The following HEPHL1 variants were observed in gnomAD, a reference collection of about 807,000 sequenced individuals.
HEPHL1 encodes the protein hephaestin like 1, also known as ferroxidase HEPHL1.
Under a neutral mutation model 122.0 loss-of-function variants are expected in HEPHL1, and 123 were observed. That is an observed-to-expected ratio of 1.01 (90% CI 0.87 to 1.17). The LOEUF is 1.17. Ranked by LOEUF, HEPHL1 falls within the 50% of genes most tolerant of loss-of-function variation. The pLI, the probability that HEPHL1 is intolerant of heterozygous loss-of-function variation, is 0.00. For synonymous variants in HEPHL1, 527 were observed against 508.9 expected (o/e 1.04, Z -0.48); for missense variants, 1,452 against 1,430.5 (o/e 1.01, Z -0.24).
At chr11:94,039,602 A>C (rs1945757051) in intron 1 of HEPHL1, among the ~76,000 whole-genome samples, 1 of 151,936 alleles carries the variant, frequency 6.6e-6, no homozygotes, top group Non-Finnish European at 1.5e-5. Context: ...GAAACTGAAC[A>C]ACCTGCTCCT....
intron 5 of HEPHL1, 123 bp from the exon 6 acceptor site, chr11:94,070,251 T>C (rs1946063125): frequency 1.1e-6 from 1 of 910,426 alleles, no homozygotes; most frequent in South Asian, 2.7e-5. Flanking sequence ...AAAAACTTTC[T>C]TTATGGTCCA....
chr11:94,021,650 A>T, intron 1 of HEPHL1, 112 bp downstream of exon 1: 1 of 820,832 alleles, frequency 1.2e-6, no homozygotes. Flanking sequence ...GATCTAGACC[A>T]AGAGAAGGTG....
intron 2 of HEPHL1, among the ~76,000 whole-genome samples, chr11:94,058,683 G>A (rs1591472471): frequency 3.7e-5 from 1 of 26,996 alleles, no homozygotes; most frequent in Admixed American, 2.8e-4. Context: ...TAAGTATTAG[G>A]ACTATTTAAA....
intron 5 of HEPHL1, among the ~76,000 whole-genome samples, chr11:94,070,172 T>G (rs888824892): frequency 4.6e-5 from 7 of 152,180 alleles, no homozygotes; most frequent in African/African-American, 1.7e-4. Flanking sequence ...TCTGTAAAAG[T>G]GATTTACGTA....
chr11:94,022,965 T>A lies in HEPHL1; in HGVS notation c.170+1427T>A, dbSNP rs559602312. Reference sequence around the variant, plus strand: ...GATACTGGATTGCCTTTCCATAAGATTAACACCCACAGAAATTCTTCTTCC... The same window carrying A: ...GATACTGGATTGCCTTTCCATAAGAATAACACCCACAGAAATTCTTCTTCC... On this transcript the variant is annotated intron_variant, in intron 1 of 19. Coordinates refer to ENST00000315765, the MANE Select transcript of HEPHL1 (RefSeq NM_001098672.2). 1.2e-4 allele frequency among the ~76,000 whole-genome samples: 19 copies of A among 152,336 alleles called. No homozygotes were observed. In the South Asian group the frequency reaches 2.3e-3, roughly 18 times the overall value.
intron 6 of HEPHL1, among the ~76,000 whole-genome samples, chr11:94,071,044 C>T (rs1946070254): frequency 6.6e-6 from 1 of 152,068 alleles, no homozygotes; most frequent in Admixed American, 6.6e-5. Context: ...TCTTTCAAAG[C>T]CTTACTCTAA....
intron 1 of HEPHL1, among the ~76,000 whole-genome samples, chr11:94,037,765 G>A (rs1945739851): frequency 6.6e-6 from 1 of 151,760 alleles, no homozygotes; most frequent in Admixed American, 6.6e-5. Context: ...CCACAAAGAT[G>A]GGGAAAAAAC....
intron 1 of HEPHL1, among the ~76,000 whole-genome samples, chr11:94,038,134 A>C (rs1170967973): frequency 2.6e-5 from 4 of 151,062 alleles, no homozygotes; most frequent in Non-Finnish European, 4.4e-5. Flanking sequence ...TGGAAGATGA[A>C]ATGAATGAAA....
chr11:94,076,878 C>T (rs918188485), intron 9 of HEPHL1, among the ~76,000 whole-genome samples: 1 of 152,146 alleles, frequency 6.6e-6, no homozygotes, highest in Admixed American at 6.6e-5. Context: ...TACTAACACC[C>T]CTAGTCCTCC....
At chr11:94,093,971 G>GATAGATATATATATAT (rs71036310) in intron 13 of HEPHL1, among the ~76,000 whole-genome samples, 16 of 72,758 alleles carry the variant, frequency 2.2e-4, no homozygotes, top group Non-Finnish European at 3.1e-4. Context: ...TCCTCCAGCA[G>GATAGATATATATATAT]ATATATATAT....
At chr11:94,043,492 A>T (rs916744604) in intron 1 of HEPHL1, among the ~76,000 whole-genome samples, 2 of 152,052 alleles carry the variant, frequency 1.3e-5, no homozygotes, top group African/African-American at 4.8e-5. Flanking sequence ...TGCCCTAACA[A>T]CAGCTTATTA....
chr11:94,110,587 TATTG>T (rs1175305117), intron 17 of HEPHL1, among the ~76,000 whole-genome samples: 1 of 152,200 alleles, frequency 6.6e-6, no homozygotes, highest in Non-Finnish European at 1.5e-5. Context: ...TTCCACATGC[TATTG>T]ATTTCGCATA....
chr11:94,076,389 A>C (rs944348931), intron 9 of HEPHL1, among the ~76,000 whole-genome samples: 4 of 152,156 alleles, frequency 2.6e-5, no homozygotes, highest in African/African-American at 9.7e-5. Flanking sequence ...TGAACATCCA[A>C]CTTTGTCCTT....
chr11:94,073,340 C>G lies in HEPHL1; in HGVS notation c.1405C>G (p.Leu469Val), dbSNP rs549708756. ...CATCAAGGCAGAGGTGGGTGATACC[C>G]TGTTAGTGACCTTTGCCAACAAAGC... The part of the protein sequence containing the change: ...PVIKAEVGDT[L>V]LVTFANKADK... The change falls in exon 8 of 20, where the codon CTG becomes GTG. Residue 469 changes from leucine (L) to valine (V), a missense_variant. Coordinates refer to ENST00000315765, the MANE Select transcript of HEPHL1 (RefSeq NM_001098672.2). 10 of 1,606,712 alleles carry G rather than the reference C, an allele frequency of 6.2e-6. No individual in the cohort carries two copies. The highest frequency in any genetic ancestry group is 1.3e-5 in the African/African-American group (1 of 74,810).
intron 2 of HEPHL1, among the ~76,000 whole-genome samples, chr11:94,056,712 G>T (rs1334503555): frequency 2.1e-5 from 3 of 142,394 alleles, no homozygotes; most frequent in African/African-American, 5.2e-5. Context: ...TATCTATAAT[G>T]CCCTTCTCTA....
intron 2 of HEPHL1, chr11:94,055,763 A>T (rs920694238): frequency 1.5e-5 from 6 of 395,530 alleles, no homozygotes; most frequent in East Asian, 5.9e-5. Flanking sequence ...TGTGATCAAG[A>T]GTAGCAGTCA....
At chr11:94,028,913 T>A (rs1440829881) in intron 1 of HEPHL1, among the ~76,000 whole-genome samples, 1 of 152,028 alleles carries the variant, frequency 6.6e-6, no homozygotes, top group Non-Finnish European at 1.5e-5. Flanking sequence ...TCTCAATGGG[T>A]GGTTTGCTGT....
intron 6 of HEPHL1, among the ~76,000 whole-genome samples, chr11:94,072,191 A>G (rs192428476): frequency 2.6e-5 from 4 of 152,208 alleles, no homozygotes; most frequent in East Asian, 1.9e-4. Context: ...TTTTGCACCA[A>G]TCTAATAGTT....
intron 17 of HEPHL1, 74 bp from the exon 18 acceptor site, chr11:94,110,829 T>C: frequency 1.6e-6 from 2 of 1,225,568 alleles, no homozygotes; most frequent in Middle Eastern, 2.0e-4. Flanking sequence ...TTATTTGTTT[T>C]TGCTCTTCTT....
Sources: gnomAD v4.1 joint callset for allele counts (sites outside exome capture counted in the v4.1 genomes callset) on GRCh38, gnomAD v4.1.1 for gene constraint, MANE v1.5 for transcripts, NCBI Gene and HGNC (gene_info 2026-07-23, HGNC 2026-07-21) for gene names.